KIF1B: variants seen among roughly 807,000 people sequenced by gnomAD.
KIF1B encodes kinesin family member 1B.
In KIF1B, 76 loss-of-function variants were observed where a neutral mutation model predicts 241.9. The observed-to-expected ratio is 0.31, with a 90% CI of 0.26 to 0.38. The LOEUF (loss-of-function observed/expected upper bound fraction) is 0.38, where lower values mean the gene tolerates loss of function less well. Ranked by LOEUF, KIF1B falls within the 10% of genes least tolerant of loss-of-function variation. The probability of loss-of-function intolerance (pLI) is 1.00; values close to 1 mark genes in which losing one functional copy is unlikely to be tolerated. For synonymous variants in KIF1B, 750 were observed against 796.7 expected, an observed-to-expected ratio of 0.94 and a Z score of 0.99; for missense variants, 1,622 against 2,271.4, an observed-to-expected ratio of 0.71 and a Z score of 5.81.
At chr1:10,251,296 TGAG>T (rs1397069641) in intron 2 of KIF1B, among the ~76,000 whole-genome samples, 1 of 151,862 alleles carries the variant, frequency 6.6e-6, no homozygotes, top group Non-Finnish European at 1.5e-5. Flanking sequence ...TCATGTGAAT[TGAG>T]GAAGTTAACT....
intron 1 of KIF1B, among the ~76,000 whole-genome samples, chr1:10,214,330 C>A (rs1257267087): frequency 6.6e-6 from 1 of 151,936 alleles, no homozygotes; most frequent in Non-Finnish European, 1.5e-5. Context: ...CGCCCTGTCA[C>A]CCAGGCTGGA....
intron 1 of KIF1B, among the ~76,000 whole-genome samples, chr1:10,212,917 TATATATATATATATACACACACAC>T (rs1557638417): frequency 8.1e-6 from 1 of 122,856 alleles, no homozygotes; most frequent in African/African-American, 3.6e-5. Flanking sequence ...TATATATATA[TATATATATATATATACACACACAC>T]ATTTAAAAAA....
At chr1:10,216,674 C>T (rs1646770899) in intron 1 of KIF1B, among the ~76,000 whole-genome samples, 1 of 152,070 alleles carries the variant, frequency 6.6e-6, no homozygotes, top group African/African-American at 2.4e-5. Flanking sequence ...CCCATTTCTC[C>T]ACAGTTGCTA....
In KIF1B at chr1:10,324,809, C is replaced by T. The variant is rs774237236; in HGVS notation, c.2589C>T (p.Ala863=). The change falls in exon 26 of 49, where the codon GCC becomes GCT. Residue 863 remains alanine, a synonymous_variant. Transcript: ENST00000676179. ...TGTATGATAGGGCAGGGGAGATGGCCTCCAGTGCCCAAGACGAAAGCGAAA... is the reference window on the plus strand; with the variant it reads ...TGTATGATAGGGCAGGGGAGATGGCTTCCAGTGCCCAAGACGAAAGCGAAA... ...REMYDRAGEM[A]SSAQDESETT... is the part of the protein sequence containing the mutation. 7 of 1,614,128 alleles carry T rather than the reference C, an allele frequency of 4.3e-6. No homozygotes were observed. The African/African-American group carries it at 5.3e-5, about 12-fold the overall frequency.
At chr1:10,319,343 C>T (rs1651431794) in intron 22 of KIF1B, among the ~76,000 whole-genome samples, 1 of 152,152 alleles carries the variant, frequency 6.6e-6, no homozygotes, top group Non-Finnish European at 1.5e-5. Context: ...CTCAGGTGAT[C>T]ACCCACCTCG....
At chr1:10,236,796 A>T (rs189050099) in intron 2 of KIF1B, among the ~76,000 whole-genome samples, 2 of 151,104 alleles carry the variant, frequency 1.3e-5, no homozygotes, top group Admixed American at 6.6e-5. Context: ...TAACATTTGT[A>T]TGAAAGATGA....
At chr1:10,271,453 T>C (rs1181728726) in intron 7 of KIF1B, 49 bp from the exon 8 acceptor site, 1 of 1,311,984 alleles carries the variant, frequency 7.6e-7, no homozygotes, top group South Asian at 1.2e-5. Flanking sequence ...ATTTCCTGCT[T>C]CTATCTTGCT....
intron 38 of KIF1B, among the ~76,000 whole-genome samples, chr1:10,356,898 CTAAATAAATAAATAAA>C (rs61266375): frequency 1.3e-5 from 2 of 149,192 alleles, no homozygotes; most frequent in Non-Finnish European, 3.0e-5. Context: ...GACTCCGTCT[CTAAATAAATAAATAAA>C]TAAATAAATA....
chr1:10,367,154 G>A (rs1378694650), intron 43 of KIF1B, among the ~76,000 whole-genome samples: 1 of 151,530 alleles, frequency 6.6e-6, no homozygotes, highest in Non-Finnish European at 1.5e-5. Context: ...GGGATGCAGT[G>A]GCATGATCTT....
chr1:10,276,870 C>T (rs1213284952), intron 12 of KIF1B, among the ~76,000 whole-genome samples: 2 of 152,142 alleles, frequency 1.3e-5, no homozygotes, highest in East Asian at 3.8e-4. Flanking sequence ...CACTTGAGGT[C>T]AGGAGTTTGA....
At chr1:10,262,470 A>AGTCTGTGCATTT (rs1472898772) in intron 5 of KIF1B, among the ~76,000 whole-genome samples, 1 of 152,140 alleles carries the variant, frequency 6.6e-6, no homozygotes, top group African/African-American at 2.4e-5. Flanking sequence ...TTTGTTCATA[A>AGTCTGTGCATTT]GTCTGTGCAT....
chr1:10,233,309 A>G (rs900744508), intron 2 of KIF1B, among the ~76,000 whole-genome samples: 2 of 152,120 alleles, frequency 1.3e-5, no homozygotes, highest in African/African-American at 4.8e-5. Flanking sequence ...GCTTGCAACA[A>G]TCTTTTTTTA....
intron 22 of KIF1B, among the ~76,000 whole-genome samples, chr1:10,297,715 T>C (rs1557696689): frequency 6.6e-6 from 1 of 152,124 alleles, no homozygotes; most frequent in Non-Finnish European, 1.5e-5. Context: ...TTTTTTTAAG[T>C]TAAACTGTGT....
At position 10,258,484 on chromosome 1, in the gene KIF1B, T is replaced by G. The variant is rs972792502; in HGVS notation, c.184-9T>G. 16 of 1,611,630 alleles carry G rather than the reference T, an allele frequency of 9.9e-6. No individual in the cohort carries two copies. Among genetic ancestry groups the G allele is most frequent in the Admixed American group, 8.3e-5 (5 of 59,972 alleles). On this transcript the variant is annotated splice_polypyrimidine_tract_variant and intron_variant, in intron 3 of 48. Coordinates refer to ENST00000676179, the MANE Select transcript of KIF1B (RefSeq NM_001365951.3). ...AAAGGTTATTTATTTCTCCTTTTAC[T>G]CTTTACAGCCCGAAGATCCCTGTTT...
chr1:10,365,341 T>G lies in KIF1B; in HGVS notation c.4513-68T>G. ...CCGCTGCTGCATGTGATCATAGCTT[T>G]TCACTTTTCTCTCCTGAGGTCTTAA... On this transcript the variant is annotated intron_variant, in intron 42 of 48. Coordinates refer to ENST00000676179, the MANE Select transcript of KIF1B (RefSeq NM_001365951.3). This position sits in a 1 kb window ranked among gnomAD's most constrained non-coding sequence, Gnocchi z 4.0. 6.2e-7 allele frequency: 1 copy of G among 1,614,014 alleles called. No homozygotes were observed. Among genetic ancestry groups the G allele is most frequent in the Non-Finnish European group, 8.5e-7 (1 of 1,179,914 alleles).
chr1:10,366,526 G>A (rs1638579502), intron 43 of KIF1B, among the ~76,000 whole-genome samples: 1 of 152,114 alleles, frequency 6.6e-6, no homozygotes, highest in South Asian at 2.1e-4. Context: ...TGATCAGGAG[G>A]GAGGCAGTGG....
intron 1 of KIF1B, among the ~76,000 whole-genome samples, chr1:10,222,831 T>G (rs1318019130): frequency 6.6e-6 from 1 of 152,240 alleles, no homozygotes; most frequent in African/African-American, 2.4e-5. Context: ...AGTTTAGAAC[T>G]CAGGCTGTGT....
At chr1:10,253,600 A>T (rs1266512964) in intron 2 of KIF1B, among the ~76,000 whole-genome samples, 1 of 152,088 alleles carries the variant, frequency 6.6e-6, no homozygotes, top group African/African-American at 2.4e-5. Context: ...TTGTGGTTGT[A>T]CCACTGTACT....
At chr1:10,346,232 T>C (rs1652584650) in intron 35 of KIF1B, among the ~76,000 whole-genome samples, 1 of 152,064 alleles carries the variant, frequency 6.6e-6, no homozygotes, top group South Asian at 2.1e-4. Flanking sequence ...CAGTTTTGAA[T>C]TGATTTTTGG....
Sources: allele counts gnomAD v4.1 joint callset (sites outside exome capture counted in the v4.1 genomes callset), GRCh38; gene constraint gnomAD v4.1.1; non-coding constraint Gnocchi (gnomAD v3.1); transcripts MANE v1.5; gene names NCBI Gene and HGNC (gene_info 2026-07-23, HGNC 2026-07-21).